The following ARHGAP39 variants were observed in gnomAD, a reference collection of about 807,000 sequenced individuals.
ARHGAP39 encodes Rho GTPase activating protein 39, also known as rho GTPase-activating protein 39.
ARHGAP39 carries 44 observed loss-of-function variants against 106.9 expected under a neutral mutation model. That is an observed-to-expected ratio of 0.41 (90% CI 0.32 to 0.53). The LOEUF (loss-of-function observed/expected upper bound fraction) is 0.53, where lower values mean the gene tolerates loss of function less well. Ranked by LOEUF, ARHGAP39 falls within the 20% of genes least tolerant of loss-of-function variation. The pLI is 0.21. For missense variants in ARHGAP39, 1,496 were observed against 1,577.3 expected, an observed-to-expected ratio of 0.95 and a Z score of 0.87; for synonymous variants, 768 against 693.2, an observed-to-expected ratio of 1.11 and a Z score of -1.69.
Position 144,646,401 on chromosome 8 carries a change from CTGTT to C in ARHGAP39, c.-82+39281_-82+39284del, listed in dbSNP as rs529091291. Among the ~76,000 whole-genome samples the C allele has an allele frequency of 8.1e-3, 1,237 of 152,266 alleles. 10 individuals carry two copies. Among genetic ancestry groups the C allele is most frequent in the South Asian group, 0.019 (92 of 4,828 alleles). On this transcript the variant is annotated intron_variant, in intron 1 of 11. Transcript: ENST00000377307. The surrounding 1 kb of genome is among the most constrained non-coding windows in gnomAD (Gnocchi z 5.7). ...TTCGTAGCACATGCCTTCTTGGCTTCTGTTTGTTTTTAATCCTGTGAAAGTATCG... is the reference window on the plus strand; with the variant it reads ...TTCGTAGCACATGCCTTCTTGGCTTCTGTTTTTAATCCTGTGAAAGTATCG...
At chr8:144,689,741 ATT>A (rs71320838), upstream of ARHGAP39, among the ~76,000 whole-genome samples, 27 of 119,882 alleles carry the variant, frequency 2.3e-4, no homozygotes, top group Non-Finnish European at 3.1e-4. Context: ...CACCTGACTA[ATT>A]TTTTTTTTTT....
intron 1 of ARHGAP39, among the ~76,000 whole-genome samples, chr8:144,664,420 A>T (rs1042393117): frequency 6.6e-6 from 1 of 152,234 alleles, no homozygotes; most frequent in Non-Finnish European, 1.5e-5. Context: ...AAGGCCACGT[A>T]AACAGTGGCC....
At chr8:144,630,078 C>G (rs1821024207) in intron 1 of ARHGAP39, among the ~76,000 whole-genome samples, 1 of 152,102 alleles carries the variant, frequency 6.6e-6, no homozygotes, top group Non-Finnish European at 1.5e-5. Context: ...GCCCAGATGC[C>G]AACACCAGGC....
At chr8:144,699,720 C>T in the ARHGAP39 span, among the ~76,000 whole-genome samples, 53 of 152,066 alleles carry the variant, frequency 3.5e-4, 3 homozygotes, top group South Asian at 0.011. Context: ...CCCAAGTTGA[C>T]TTCGCGTCAC....
At position 144,534,211 on chromosome 8, in the gene ARHGAP39, G is replaced by A; in HGVS notation, c.2615-9C>T. 6.2e-7 allele frequency: 1 copy of A among 1,613,476 alleles called. No individual in the cohort carries two copies. Among genetic ancestry groups the A allele is most frequent in the African/African-American group, 1.3e-5 (1 of 75,050 alleles). On this transcript the variant is annotated splice_polypyrimidine_tract_variant and intron_variant, in intron 7 of 11. Coordinates refer to ENST00000377307, the MANE Select transcript of ARHGAP39 (RefSeq NM_025251.3). ...CGTGCTTATCGCCACCCCTGGAAAG[G>A]AAAGGGGCCTGATCAGCCTGATGTG...
At chr8:144,624,261 C>A (rs551082455) in intron 1 of ARHGAP39, among the ~76,000 whole-genome samples, 7 of 152,244 alleles carry the variant, frequency 4.6e-5, no homozygotes, top group African/African-American at 1.7e-4. Flanking sequence ...AAGTGTAAAG[C>A]GTACAGTATA....
intron 4 of ARHGAP39, among the ~76,000 whole-genome samples, chr8:144,552,675 A>AT (rs539911717): frequency 0.012 from 1,862 of 150,764 alleles, 39 homozygotes; most frequent in African/African-American, 0.043. Context: ...AGCTGGTGAG[A>AT]TTTTTTTTTC....
chr8:144,589,254 A>G (rs1486221490), intron 2 of ARHGAP39, among the ~76,000 whole-genome samples: 2 of 152,252 alleles, frequency 1.3e-5, no homozygotes, highest in African/African-American at 4.8e-5. Context: ...AGTAGTCTCC[A>G]TATTTTAAAA....
At chr8:144,558,845 G>A in intron 3 of ARHGAP39, among the ~76,000 whole-genome samples, 1 of 151,998 alleles carries the variant, frequency 6.6e-6, no homozygotes, top group East Asian at 1.9e-4. Context: ...GGCTGAGGTG[G>A]GTGGATCACT....
intron 1 of ARHGAP39, among the ~76,000 whole-genome samples, chr8:144,668,613 C>T (rs1822020956): frequency 6.6e-6 from 1 of 151,882 alleles, no homozygotes; most frequent in Non-Finnish European, 1.5e-5. Context: ...AAAAGAAATG[C>T]ACTTATATAC....
rs1821304408 is a variant in ARHGAP39 at position 144,641,133 on chromosome 8, C to G, written c.-81-35438G>C. On this transcript the variant is annotated intron_variant, in intron 1 of 11. Transcript: ENST00000377307. This position sits in a 1 kb window ranked among gnomAD's most constrained non-coding sequence, Gnocchi z 5.2. ...TGTTCCAGGAGGTGACATCTGAAAG[C>G]TTTCATCCACCATCCACCTGTTCTG... 6.6e-6 allele frequency among the ~76,000 whole-genome samples: 1 copy of G among 152,034 alleles called. No individual in the cohort carries two copies. The highest frequency in any genetic ancestry group is 2.1e-4 in the South Asian group (1 of 4,808).
In ARHGAP39 at chr8:144,632,003, C is replaced by T. The variant is rs555386207; in HGVS notation, c.-81-26308G>A. 4.6e-5 allele frequency among the ~76,000 whole-genome samples: 7 copies of T among 152,286 alleles called. No individual in the cohort carries two copies. In the South Asian group the frequency reaches 8.3e-4, roughly 18 times the overall value. ...GAGCCCTCAGGTGAAGCCAGTGCAA[C>T]GTGCACTGGTTCTCACCCTGTGAGC... On this transcript the variant is annotated intron_variant, in intron 1 of 11. Transcript: ENST00000377307.
Position 144,585,847 on chromosome 8 carries a change from G to GTCCAGCCCC in ARHGAP39, c.81-4571_81-4570insGGGGCTGGA, listed in dbSNP as rs1819166316. ...GATCACACAAATAAAAATGGCAACT[G>GTCCAGCCCC]TTGAAAGGGGCTGGACGGGTGCCCT... On this transcript the variant is annotated intron_variant, in intron 2 of 11. Coordinates refer to ENST00000377307, the MANE Select transcript of ARHGAP39 (RefSeq NM_025251.3). This position sits in a 1 kb window ranked among gnomAD's most constrained non-coding sequence, Gnocchi z 4.6. Among the ~76,000 whole-genome samples the GTCCAGCCCC allele has an allele frequency of 6.6e-6, 1 of 152,218 alleles. No individual in the cohort carries two copies. Among genetic ancestry groups the GTCCAGCCCC allele is most frequent in the Non-Finnish European group, 1.5e-5 (1 of 68,034 alleles).
intron 1 of ARHGAP39, among the ~76,000 whole-genome samples, chr8:144,661,935 G>A (rs920442509): frequency 1.7e-5 from 2 of 120,178 alleles, no homozygotes; most frequent in Non-Finnish European, 1.6e-5. Context: ...TATCCACCTT[G>A]GACAGCTTCC....
rs543832782 is a variant in ARHGAP39 at position 144,561,779 on chromosome 8, C to A, written c.513-6136G>T. 5.4e-5 allele frequency among the ~76,000 whole-genome samples: 8 copies of A among 149,528 alleles called. No individual in the cohort carries two copies. In the South Asian group the frequency reaches 8.6e-4, roughly 16 times the overall value. The stretch of plus-strand genomic sequence containing the variant: ...AATCCAGTGGTTTCCATCGGACTTA[C>A]TCCAGTGGTTTCCATCGGACCCCAG... On this transcript the variant is annotated intron_variant, in intron 3 of 11. Transcript: ENST00000377307.
At chr8:144,688,042 C>G (rs1822668378), upstream of ARHGAP39, among the ~76,000 whole-genome samples, 1 of 152,184 alleles carries the variant, frequency 6.6e-6, no homozygotes, top group South Asian at 2.1e-4. Flanking sequence ...GCATTTCCCA[C>G]CCTGGTGACC....
chr8:144,549,182 G>A (rs575963571), intron 4 of ARHGAP39, among the ~76,000 whole-genome samples: 1 of 152,254 alleles, frequency 6.6e-6, no homozygotes, highest in Non-Finnish European at 1.5e-5. Flanking sequence ...CAGCACTGCG[G>A]GGCAGATATG....
chr8:144,633,189 T>C (rs1183551253), intron 1 of ARHGAP39, among the ~76,000 whole-genome samples: 2 of 151,940 alleles, frequency 1.3e-5, no homozygotes, highest in African/African-American at 4.8e-5. Flanking sequence ...CCAGGCGCAG[T>C]GGCTCACGCC....
chr8:144,530,981 G>T (rs1816681749), intron 10 of ARHGAP39, 110 bp from the exon 11 acceptor site: 8 of 1,392,466 alleles, frequency 5.7e-6, no homozygotes, highest in Non-Finnish European at 7.7e-6. Context: ...CAGGCTGGGA[G>T]GGCCGGCTCA....
Sources: allele counts gnomAD v4.1 joint callset (sites outside exome capture counted in the v4.1 genomes callset), GRCh38; gene constraint gnomAD v4.1.1; non-coding constraint Gnocchi (gnomAD v3.1); transcripts MANE v1.5; gene names NCBI Gene and HGNC (gene_info 2026-07-23, HGNC 2026-07-21).